Variants in VWF observed in about 807,000 individuals in gnomAD.
VWF encodes von Willebrand factor, also known as Factor VIII related antigen.
In VWF, 176 loss-of-function variants were observed where a neutral mutation model predicts 308.6. That is an observed-to-expected ratio of 0.57 (90% confidence interval 0.50 to 0.65). The LOEUF is 0.65. Among genes scored for constraint, VWF ranks in the 30% least tolerant of loss-of-function variants. The probability of loss-of-function intolerance (pLI) is 0.00; values close to 1 mark genes in which losing one functional copy is unlikely to be tolerated. For missense variants in VWF, 3,146 were observed against 3,648.2 expected (o/e 0.86, Z 3.55); for synonymous variants, 1,385 against 1,443.4 (o/e 0.96, Z 0.92).
intron 5 of VWF, among the ~76,000 whole-genome samples, chr12:6,107,127 G>C (rs1218417869): frequency 1.3e-5 from 2 of 152,088 alleles, no homozygotes; most frequent in East Asian, 3.9e-4. Context: ...ACCTCTCACG[G>C]ACCATGTTAA....
chr12:5,995,826 G>T (rs941050620), intron 35 of VWF, among the ~76,000 whole-genome samples, 176 bp downstream of exon 35: 2 of 152,024 alleles, frequency 1.3e-5, no homozygotes, highest in African/African-American at 4.8e-5. Context: ...ATGAAATCAC[G>T]CCAAGACAAG....
In VWF at chr12:6,016,468, A is replaced by G. The variant is rs752220890; in HGVS notation, c.5311+48T>C. 21 of 1,597,556 alleles carry G rather than the reference A, an allele frequency of 1.3e-5. No homozygotes were observed. The South Asian group carries it at 2.2e-4, about 17-fold the overall frequency. On this transcript the variant is annotated intron_variant, in intron 30 of 51. Transcript: ENST00000261405. ...TCACACAGTCACTTATGCCAAAAAT[A>G]AGAACCAGAATGCAGCTTCTGCATC...
chr12:6,120,992 G>T (rs1399165108), intron 3 of VWF, among the ~76,000 whole-genome samples, 182 bp downstream of exon 3: 1 of 152,176 alleles, frequency 6.6e-6, no homozygotes, highest in East Asian at 1.9e-4. Flanking sequence ...CGGCTCCCGT[G>T]GGGAGAGACC....
chr12:5,992,854 A>G (rs1253730348), intron 37 of VWF, among the ~76,000 whole-genome samples: 1 of 152,260 alleles, frequency 6.6e-6, no homozygotes, highest in Non-Finnish European at 1.5e-5. Context: ...CAAAGAAATC[A>G]GTATGCAGAG....
chr12:6,103,359 C>CAT lies in VWF; in HGVS notation c.532+7013_532+7014dup, dbSNP rs200830774. On this transcript the variant is annotated intron_variant, in intron 5 of 51. Coordinates refer to ENST00000261405, the MANE Select transcript of VWF (RefSeq NM_000552.5). ...ATATATATATATGTGTGTATATATA[C>CAT]ATATATATGTGTGTGTGTGTATACA... Among the ~76,000 whole-genome samples, 22 of 130,268 alleles carry CAT rather than the reference C, an allele frequency of 1.7e-4. No homozygotes were observed. In the South Asian group the frequency reaches 3.9e-3, roughly 23 times the overall value. The allele number at this position is 130,268 out of a possible 152,430, so 85.5% of individuals were successfully genotyped here.
chr12:6,111,127 T>C (rs2136523015), intron 3 of VWF, among the ~76,000 whole-genome samples, 159 bp from the exon 4 acceptor site: 1 of 152,328 alleles, frequency 6.6e-6, no homozygotes, highest in African/African-American at 2.4e-5. Flanking sequence ...TCTCATTTTC[T>C]CACCCATTTT....
intron 20 of VWF, 90 bp from the exon 21 acceptor site, chr12:6,031,668 G>C (rs1944265354): frequency 1.9e-6 from 3 of 1,599,868 alleles, no homozygotes; most frequent in South Asian, 2.2e-5. Flanking sequence ...ACAGGCCTTT[G>C]AGTACGTGTC....
intron 3 of VWF, 51 bp downstream of exon 3, chr12:6,121,123 A>G (rs1237534494): frequency 6.2e-7 from 1 of 1,609,614 alleles, no homozygotes; most frequent in Non-Finnish European, 8.5e-7. Flanking sequence ...ACCAGGGCTA[A>G]GCTCAGCCAG....
At chr12:6,013,819 G>A (rs1033834726) in intron 31 of VWF, among the ~76,000 whole-genome samples, 174 bp from the exon 32 acceptor site, 1 of 152,156 alleles carries the variant, frequency 6.6e-6, no homozygotes, top group African/African-American at 2.4e-5. Flanking sequence ...GCTACTCTGT[G>A]TCAGGTACTA....
intron 48 of VWF, among the ~76,000 whole-genome samples, chr12:5,952,884 A>G (rs1310491785): frequency 2.6e-5 from 4 of 152,218 alleles, no homozygotes; most frequent in Non-Finnish European, 5.9e-5. Context: ...TTTCACGCTG[A>G]TGGCCTGTCC....
intron 6 of VWF, among the ~76,000 whole-genome samples, chr12:6,086,243 A>C (rs1944970447): frequency 6.6e-6 from 1 of 152,216 alleles, no homozygotes; most frequent in East Asian, 1.9e-4. Flanking sequence ...AAAGCACTTG[A>C]AATAAGTCCT....
intron 5 of VWF, among the ~76,000 whole-genome samples, chr12:6,103,575 C>T (rs1945208657): frequency 7.0e-6 from 1 of 142,504 alleles, no homozygotes; most frequent in Admixed American, 6.8e-5. Context: ...CACACACACA[C>T]ACACACACAG....
intron 22 of VWF, among the ~76,000 whole-genome samples, chr12:6,028,497 G>A (rs926009505): frequency 6.6e-6 from 1 of 152,100 alleles, no homozygotes; most frequent in South Asian, 2.1e-4. Flanking sequence ...AAGTGTTAAG[G>A]GCAGCCAGAG....
chr12:6,023,841 G>A, intron 24 of VWF, 54 bp from the exon 25 acceptor site: 2 of 1,598,660 alleles, frequency 1.3e-6, no homozygotes, highest in Non-Finnish European at 1.7e-6. Flanking sequence ...CAGGAACTCT[G>A]GCTCTTAGTC....
chr12:6,071,817 C>A (rs147256494), intron 9 of VWF, among the ~76,000 whole-genome samples: 255 of 152,284 alleles, frequency 1.7e-3, no homozygotes, highest in African/African-American at 5.4e-3. Flanking sequence ...CCCTGCTGTG[C>A]AGGAGACTGG....
In VWF at chr12:6,064,275, C is replaced by G; in HGVS notation, c.1403G>C (p.Gly468Ala). Residue 468 changes from glycine (G) to alanine (A), a missense_variant, in exon 12 of 52, where the codon GGC (glycine) becomes GCC (alanine). Physicochemically the swap from Gly to Ala is moderately conservative, Grantham distance 60. Around this residue, in one of 3 missense-constraint regions of VWF, gnomAD observed 1,304 missense variants for 1,353.0 expected, o/e 0.96. Coordinates refer to ENST00000261405, the MANE Select transcript of VWF (RefSeq NM_000552.5). The stretch of plus-strand genomic sequence containing the variant: ...CAGGAGGGGGAGCTGGACGTCCTGG[C>G]CATCCATGGCAACTCCTGCCCCATG... The part of the protein sequence containing the change: ...LKHGAGVAMD[G>A]QDVQLPLLKG... 2 of 1,614,110 alleles carry G rather than the reference C, an allele frequency of 1.2e-6. No individual in the cohort carries two copies. The highest frequency in any genetic ancestry group is 2.2e-5 in the South Asian group (2 of 91,078).
At chr12:6,114,569 G>A (rs1470106708) in intron 3 of VWF, among the ~76,000 whole-genome samples, 2 of 152,212 alleles carry the variant, frequency 1.3e-5, no homozygotes, top group Non-Finnish European at 2.9e-5. Context: ...ACAGGCTGCG[G>A]GGCTCGGGGC....
rs1591859131 is a variant in VWF at position 6,013,793 on chromosome 12, C to T, written c.5456-148G>A. On this transcript the variant is annotated intron_variant, in intron 31 of 51. Transcript: ENST00000261405. ...CCCTATGAGGAAGATGTTCAGTCAA[C>T]AGATATTAATGAGCTGCTACTCTGT... 3.6e-5 allele frequency: 33 copies of T among 905,686 alleles called. No homozygotes were observed. In the East Asian group the frequency reaches 8.3e-4, roughly 23 times the overall value. The allele number at this position is 905,686 out of a possible 1,614,324, so 56.1% of individuals were successfully genotyped here.
chr12:6,044,436 G>C lies in VWF; in HGVS notation c.2297C>G (p.Ser766Cys). 1 of 1,614,198 alleles carries C rather than the reference G, an allele frequency of 6.2e-7. No homozygotes were observed. Among genetic ancestry groups the C allele is most frequent in the Non-Finnish European group, 8.5e-7 (1 of 1,180,038 alleles). ...CAGCTTGACCATGGGGGGCCGACAG[G>C]ATAGGCTCCTTTTGCCTCGAAGGTA... The part of the protein sequence containing the change: ...PLSHRSKRSL[S>C]CRPPMVKLVC... Residue 766 changes from serine (S) to cysteine (C), a missense_variant, in exon 18 of 52, where the codon TCC (serine) becomes TGC (cysteine). Ser to Cys is a moderately radical substitution (Grantham distance 112). This residue lies in a region of VWF where 1,304 missense variants were observed against 1,353.0 expected (regional missense o/e 0.96). Coordinates refer to ENST00000261405, the MANE Select transcript of VWF (RefSeq NM_000552.5).
Sources: gnomAD v4.1 joint callset for allele counts (sites outside exome capture counted in the v4.1 genomes callset) on GRCh38, gnomAD v4.1.1 for gene constraint, gnomAD v4.1.1 regional missense constraint, MANE v1.5 for transcripts, NCBI Gene and HGNC (gene_info 2026-07-23, HGNC 2026-07-21) for gene names.